Variants in KITLG observed in about 807,000 individuals in gnomAD.
KITLG encodes KIT ligand, also known as c-Kit ligand.
Under a neutral mutation model 34.1 loss-of-function variants are expected in KITLG, and 13 were observed. The observed-to-expected ratio is 0.38, with a 90% CI of 0.25 to 0.61. KITLG has a LOEUF of 0.61. Ranked by LOEUF, KITLG falls within the 20% of genes least tolerant of loss-of-function variation. The pLI, the probability that KITLG is intolerant of heterozygous loss-of-function variation, is 0.60. For missense variants in KITLG, 292 were observed against 318.9 expected (o/e 0.92, Z 0.64); for synonymous variants, 110 against 104.0 (o/e 1.06, Z -0.35).
intron 6 of KITLG, among the ~76,000 whole-genome samples, chr12:88,515,244 T>C (rs1015291711): frequency 1.3e-5 from 2 of 151,854 alleles, no homozygotes; most frequent in African/African-American, 4.8e-5. Context: ...ACACAGAATA[T>C]ATGTTAATGA....
intron 1 of KITLG, among the ~76,000 whole-genome samples, chr12:88,563,698 C>T (rs1261132428): frequency 1.3e-5 from 2 of 152,178 alleles, no homozygotes; most frequent in Non-Finnish European, 1.5e-5. Flanking sequence ...CAGTGGCTCA[C>T]ACCTGTAATC....
chr12:88,524,351 C>T (rs902863045), intron 3 of KITLG, among the ~76,000 whole-genome samples: 6 of 152,076 alleles, frequency 3.9e-5, no homozygotes, highest in Admixed American at 3.9e-4. Flanking sequence ...ATGTGACTAT[C>T]TTCTCAATGG....
At chr12:88,542,079 A>G (rs1286233928) in intron 2 of KITLG, among the ~76,000 whole-genome samples, 2 of 152,186 alleles carry the variant, frequency 1.3e-5, no homozygotes, top group Non-Finnish European at 2.9e-5. Flanking sequence ...CTCATCCTAT[A>G]TAACCTCCTT....
intron 2 of KITLG, among the ~76,000 whole-genome samples, chr12:88,543,240 T>C (rs113297300): frequency 6.6e-6 from 1 of 152,138 alleles, no homozygotes; most frequent in Admixed American, 6.6e-5. Flanking sequence ...TAGGTATTTC[T>C]CCAAACGCTA....
At chr12:88,522,298 C>T (rs988917090) in intron 3 of KITLG, among the ~76,000 whole-genome samples, 1 of 152,074 alleles carries the variant, frequency 6.6e-6, no homozygotes, top group African/African-American at 2.4e-5. Flanking sequence ...GTTTTAAAAT[C>T]ATCCTGGAGA....
intron 2 of KITLG, among the ~76,000 whole-genome samples, chr12:88,542,156 T>C (rs1475894103): frequency 6.6e-6 from 1 of 152,140 alleles, no homozygotes; most frequent in African/African-American, 2.4e-5. Context: ...TGGAATAAAA[T>C]AATTTCAAAG....
At chr12:88,498,471 T>C (rs1868724472) in intron 9 of KITLG, among the ~76,000 whole-genome samples, 1 of 152,012 alleles carries the variant, frequency 6.6e-6, no homozygotes, top group East Asian at 1.9e-4. Context: ...ATCCAAAATA[T>C]ATAGAAGATA....
intron 2 of KITLG, among the ~76,000 whole-genome samples, chr12:88,540,339 T>C (rs2120899555): frequency 6.6e-6 from 1 of 152,254 alleles, no homozygotes; most frequent in Non-Finnish European, 1.5e-5. Flanking sequence ...ACTCAACTAT[T>C]TCCCAAGTGA....
intron 1 of KITLG, among the ~76,000 whole-genome samples, chr12:88,546,521 A>G (rs1038784377): frequency 1.3e-5 from 2 of 152,178 alleles, no homozygotes; most frequent in African/African-American, 2.4e-5. Context: ...CATAACCTAC[A>G]CATCGGCTTG....
chr12:88,499,573 G>C (rs1412664481), intron 9 of KITLG, among the ~76,000 whole-genome samples: 1 of 152,018 alleles, frequency 6.6e-6, no homozygotes, highest in Non-Finnish European at 1.5e-5. Context: ...ATTCTTTCCA[G>C]GCCTGACTGT....
intron 1 of KITLG, among the ~76,000 whole-genome samples, chr12:88,577,435 C>T (rs1371533710): frequency 6.6e-6 from 1 of 152,118 alleles, no homozygotes; most frequent in Non-Finnish European, 1.5e-5. Flanking sequence ...AAATGTAACA[C>T]CAGGCACATT....
chr12:88,560,917 G>T (rs56141457), intron 1 of KITLG, among the ~76,000 whole-genome samples: 1 of 136,950 alleles, frequency 7.3e-6, no homozygotes, highest in African/African-American at 2.7e-5. Flanking sequence ...GCGGTGAGCC[G>T]AGATCGCACC....
rs200417439 is a variant in KITLG at position 88,570,537 on chromosome 12, C to A, written c.15+9727G>T. Reference sequence around the variant, plus strand: ...AAATTAGAAAAAACAACAACAACAACAAAAAAAAAACAAAGAAGTTCAACC... The same window carrying A: ...AAATTAGAAAAAACAACAACAACAAAAAAAAAAAAACAAAGAAGTTCAACC... On this transcript the variant is annotated intron_variant, in intron 1 of 9. Coordinates refer to ENST00000644744, the MANE Select transcript of KITLG (RefSeq NM_000899.5). Among the ~76,000 whole-genome samples the A allele has an allele frequency of 1.0e-3, 149 of 148,986 alleles. 1 individual carries two copies. Among genetic ancestry groups the A allele is most frequent in the East Asian group, 3.3e-3 (17 of 5,124 alleles).
rs187898876 is a variant in KITLG at position 88,502,716 on chromosome 12, T to C, written c.*37+2443A>G. ...CCACTCCCAAATGTCATGGGACGAA[T>C]GTCGTAATTAAAACCACATGATTAA... On this transcript the variant is annotated intron_variant, in intron 9 of 9. Coordinates refer to ENST00000644744, the MANE Select transcript of KITLG (RefSeq NM_000899.5). Among the ~76,000 whole-genome samples the C allele has an allele frequency of 3.2e-3, 487 of 152,296 alleles. 3 individuals are homozygous for C. Among genetic ancestry groups the C allele is most frequent in the African/African-American group, 0.011 (458 of 41,562 alleles).
At chr12:88,539,551 ATC>A (rs1367232553) in intron 2 of KITLG, among the ~76,000 whole-genome samples, 1 of 151,906 alleles carries the variant, frequency 6.6e-6, no homozygotes, top group African/African-American at 2.4e-5. Context: ...TTGACTAAAA[ATC>A]TAACCAACCA....
At chr12:88,545,062 G>T (rs557768482) in intron 2 of KITLG, among the ~76,000 whole-genome samples, 2 of 152,320 alleles carry the variant, frequency 1.3e-5, no homozygotes, top group Non-Finnish European at 2.9e-5. Flanking sequence ...CCTAGATCGT[G>T]ACGGTTGGGA....
intron 3 of KITLG, among the ~76,000 whole-genome samples, chr12:88,528,391 T>C (rs1869958492): frequency 6.6e-6 from 1 of 152,184 alleles, no homozygotes; most frequent in Non-Finnish European, 1.5e-5. Flanking sequence ...TGTCAGGTAA[T>C]ATATTCCCAA....
intron 1 of KITLG, among the ~76,000 whole-genome samples, chr12:88,564,629 T>A (rs910855960): frequency 7.2e-5 from 11 of 152,008 alleles, no homozygotes; most frequent in Non-Finnish European, 7.4e-5. Flanking sequence ...TCTTTGCAAA[T>A]CAAGGCAGAA....
At chr12:88,505,362 G>A (rs552892091) in intron 8 of KITLG, 127 bp from the exon 9 acceptor site, 1 of 713,736 alleles carries the variant, frequency 1.4e-6, no homozygotes, top group Non-Finnish European at 2.5e-6. Context: ...AAATTGAATG[G>A]GGAGCCTACC....
Sources: allele counts gnomAD v4.1 joint callset (sites outside exome capture counted in the v4.1 genomes callset), GRCh38; gene constraint gnomAD v4.1.1; transcripts MANE v1.5; gene names NCBI Gene and HGNC (gene_info 2026-07-23, HGNC 2026-07-21).